Variants in DNM1L observed in about 807,000 individuals in gnomAD.
DNM1L encodes dynamin 1L, also known as dynamin-1-like protein.
A neutral mutation model predicts 92.8 loss-of-function variants in DNM1L; 33 were observed. That is an observed-to-expected ratio of 0.36 (90% CI 0.27 to 0.48). The LOEUF is 0.48. Among genes scored for constraint, DNM1L ranks in the 20% least tolerant of loss-of-function variants. The pLI is 0.99. For synonymous variants in DNM1L, 284 were observed against 305.0 expected (o/e 0.93, Z 0.72); for missense variants, 485 against 888.8 (o/e 0.55, Z 5.78).
At chr12:32,737,840 T>C (rs573000547) in intron 14 of DNM1L, 25 bp from the exon 15 acceptor site, 176 of 1,604,002 alleles carry the variant, frequency 1.1e-4, no homozygotes, top group East Asian at 9.1e-4. Flanking sequence ...TGATTTTTTT[T>C]CCCCCCTGGA....
chr12:32,682,278 A>C (rs1046088244), intron 1 of DNM1L, among the ~76,000 whole-genome samples: 1 of 152,086 alleles, frequency 6.6e-6, no homozygotes, highest in Non-Finnish European at 1.5e-5. Context: ...GATTACAGGC[A>C]TGCACCACCA....
intron 1 of DNM1L, among the ~76,000 whole-genome samples, chr12:32,700,356 A>G (rs180721309): frequency 2.2e-3 from 329 of 152,116 alleles, no homozygotes; most frequent in African/African-American, 7.5e-3. Flanking sequence ...CTGACCTCAG[A>G]TGATCTGCCC....
In DNM1L at chr12:32,731,163, A is replaced by G; in HGVS notation, c.1200+29A>G. On this transcript the variant is annotated intron_variant, in intron 10 of 19. Transcript: ENST00000549701. This position sits in a 1 kb window ranked among gnomAD's most constrained non-coding sequence, Gnocchi z 5.1. ...AGTATGTTTAGCTTTTTAGACTGTA[A>G]AAAAAAATGAGGTTAAAGTTTTTCT... The G allele has an allele frequency of 6.2e-7, 1 of 1,613,452 alleles. No homozygotes were observed. Among genetic ancestry groups the G allele is most frequent in the Non-Finnish European group, 8.5e-7 (1 of 1,179,798 alleles).
rs116258862 is a variant in DNM1L at position 32,693,928 on chromosome 12, C to T, written c.103-7487C>T. ...TGCTGGGGTTACAGGCATGTGCCAC[C>T]TCGCCTGGCCTTTCCATCACCTTTA... On this transcript the variant is annotated intron_variant, in intron 1 of 19. Coordinates refer to ENST00000549701, the MANE Select transcript of DNM1L (RefSeq NM_012062.5). Among the ~76,000 whole-genome samples, 560 of 152,228 alleles carry T rather than the reference C, an allele frequency of 3.7e-3. 7 individuals carry two copies. The highest frequency in any genetic ancestry group is 0.013 in the African/African-American group (521 of 41,520).
intron 9 of DNM1L, chr12:32,727,336 T>G (rs181712339): frequency 1.2e-6 from 1 of 804,900 alleles, no homozygotes; most frequent in African/African-American, 1.7e-5. Context: ...ACTCCTCTTT[T>G]AACTACCCTA....
intron 5 of DNM1L, among the ~76,000 whole-genome samples, chr12:32,711,496 C>G (rs767655151): frequency 7.9e-5 from 12 of 152,058 alleles, no homozygotes; most frequent in Non-Finnish European, 1.5e-5. Flanking sequence ...TGTTCCTCAA[C>G]TAGATTTGGT....
At chr12:32,696,383 A>AACAC (rs58224525) in intron 1 of DNM1L, among the ~76,000 whole-genome samples, 20,570 of 144,902 alleles carry the variant, frequency 0.14, 1,480 homozygotes, top group Middle Eastern at 0.2. Flanking sequence ...CACACACACA[A>AACAC]ACACACACAC....
chr12:32,679,835 C>A, intron 1 of DNM1L: 3 of 1,003,994 alleles, frequency 3.0e-6, no homozygotes, highest in Non-Finnish European at 3.6e-6. Context: ...CTGGGGGACG[C>A]GCGGGGCACT....
At chr12:32,743,229 T>C (rs1052071255) in intron 19 of DNM1L, 125 bp from the exon 20 acceptor site, 1 of 605,012 alleles carries the variant, frequency 1.7e-6, no homozygotes, top group East Asian at 3.1e-5. Flanking sequence ...AGAGAAGATA[T>C]TGGTTAGTAT....
intron 5 of DNM1L, 57 bp from the exon 6 acceptor site, chr12:32,713,152 A>T: frequency 6.3e-7 from 1 of 1,591,448 alleles, no homozygotes; most frequent in Non-Finnish European, 8.6e-7. Context: ...AAATGTGGGT[A>T]AAAAAGCTGA....
Position 32,743,366 on chromosome 12 carries a change from G to A in DNM1L, c.2167G>A (p.Ala723Thr), listed in dbSNP as rs575528259. 1 of 1,613,862 alleles carries A rather than the reference G, an allele frequency of 6.2e-7. No homozygotes were observed. The highest frequency in any genetic ancestry group is 1.1e-5 in the South Asian group (1 of 91,064). ...AADMLKALQG[A>T]SQIIAEIRET... ...TCCTTTAATGCAGGCATTACAAGGA[G>A]CCAGTCAAATTATTGCTGAAATCCG... Residue 723 changes from alanine to threonine, a missense_variant, in exon 20 of 20, where the codon GCC becomes ACC. Physicochemically the swap from Ala to Thr is moderately conservative, Grantham distance 58. Around this residue, in one of 11 missense-constraint regions of DNM1L, gnomAD observed 133 missense variants for 210.9 expected, o/e 0.63. Coordinates refer to ENST00000549701, the MANE Select transcript of DNM1L (RefSeq NM_012062.5).
intron 1 of DNM1L, among the ~76,000 whole-genome samples, chr12:32,680,762 T>C (rs1377114576): frequency 6.6e-6 from 1 of 152,222 alleles, no homozygotes; most frequent in Non-Finnish European, 1.5e-5. Context: ...TCTGTAAATA[T>C]TTTGAGTAAA....
chr12:32,723,708 A>C (rs868620688), intron 9 of DNM1L, among the ~76,000 whole-genome samples: 1,834 of 151,784 alleles, frequency 0.012, 40 homozygotes, highest in African/African-American at 0.034. Flanking sequence ...AAAAAAAAAA[A>C]AAAAAACAGG....
Position 32,726,601 on chromosome 12 carries a change from C to T in DNM1L, c.1079+3968C>T, listed in dbSNP as rs1954164501. ...ATTTTGAAGTCTGCAGCAAGGATAGCTTCAGCATCATCATCCAGATCTCCA... is the reference window on the plus strand; with the variant it reads ...ATTTTGAAGTCTGCAGCAAGGATAGTTTCAGCATCATCATCCAGATCTCCA... On this transcript the variant is annotated intron_variant, in intron 9 of 19. Transcript: ENST00000549701. The T allele has an allele frequency of 4.8e-5, 56 of 1,157,108 alleles. 2 individuals carry two copies. In the South Asian group the frequency reaches 7.6e-4, roughly 16 times the overall value. The allele number at this position is 1,157,108 out of a possible 1,614,324, so 71.7% of individuals were successfully genotyped here.
intron 1 of DNM1L, among the ~76,000 whole-genome samples, chr12:32,686,941 T>TC (rs1480253560): frequency 2.2e-4 from 30 of 137,236 alleles, no homozygotes; most frequent in African/African-American, 7.8e-4. Flanking sequence ...TTTTTTCTTT[T>TC]TTTTTTTTTT....
At chr12:32,688,986 C>T (rs771533739) in intron 1 of DNM1L, among the ~76,000 whole-genome samples, 2 of 152,104 alleles carry the variant, frequency 1.3e-5, no homozygotes, top group African/African-American at 4.8e-5. Flanking sequence ...TGCTTGAGCC[C>T]AGGAGGTTGA....
chr12:32,719,720 AATT>A (rs1953716976), intron 7 of DNM1L, among the ~76,000 whole-genome samples: 1 of 152,132 alleles, frequency 6.6e-6, no homozygotes, highest in Non-Finnish European at 1.5e-5. Context: ...GGGAAAAGGA[AATT>A]ATTATTGAGT....
chr12:32,716,688 A>G (rs1953383926), intron 6 of DNM1L, among the ~76,000 whole-genome samples: 1 of 149,210 alleles, frequency 6.7e-6, no homozygotes, highest in Non-Finnish European at 1.5e-5. Flanking sequence ...TTACATGTGA[A>G]AAAAATCTAT....
chr12:32,740,536 T>A lies in DNM1L; in HGVS notation c.1994+18T>A. 3 of 1,580,412 alleles carry A rather than the reference T, an allele frequency of 1.9e-6. No homozygotes were observed. The highest frequency in any genetic ancestry group is 2.6e-6 in the Non-Finnish European group (3 of 1,151,854). On this transcript the variant is annotated intron_variant, in intron 18 of 19. Coordinates refer to ENST00000549701, the MANE Select transcript of DNM1L (RefSeq NM_012062.5). ...CAAGACAGGTTAGTATTACTTAATA[T>A]AAATGACGGACTTTAATACTTCTGG... is the stretch of plus-strand genomic sequence containing the variant.
Sources: gnomAD v4.1 joint callset for allele counts (sites outside exome capture counted in the v4.1 genomes callset) on GRCh38, gnomAD v4.1.1 for gene constraint, gnomAD v4.1.1 regional missense constraint, Gnocchi (gnomAD v3.1) non-coding constraint, MANE v1.5 for transcripts, NCBI Gene and HGNC (gene_info 2026-07-23, HGNC 2026-07-21) for gene names.